The following LRRC7 variants were observed in gnomAD, a reference collection of about 807,000 sequenced individuals.
LRRC7 encodes leucine rich repeat containing 7.
Under a neutral mutation model 175.7 loss-of-function variants are expected in LRRC7, and 23 were observed. The observed-to-expected ratio is 0.13, with a 90% CI of 0.09 to 0.19. The LOEUF (loss-of-function observed/expected upper bound fraction) is 0.19, where lower values mean the gene tolerates loss of function less well. LRRC7 is among the 10% of genes least tolerant of loss of function. The probability of loss-of-function intolerance (pLI) is 1.00; values close to 1 mark genes in which losing one functional copy is unlikely to be tolerated. For synonymous variants in LRRC7, 685 were observed against 680.9 expected, an observed-to-expected ratio of 1.01 and a Z score of -0.09; for missense variants, 1,354 against 1,904.7, an observed-to-expected ratio of 0.71 and a Z score of 5.38.
At chr1:69,673,242 G>GTA (rs1297636066) in intron 1 of LRRC7, among the ~76,000 whole-genome samples, 1 of 152,052 alleles carries the variant, frequency 6.6e-6, no homozygotes, top group Non-Finnish European at 1.5e-5. Context: ...TCACTCCTTG[G>GTA]GTGATTTTGA....
rs1448261052 is a variant in LRRC7 at position 70,136,000 on chromosome 1, T to C, written c.*14113T>C. The stretch of plus-strand genomic sequence containing the variant: ...GCTAGCAAACAGTTCAGGCATTTCT[T>C]TGTGGCCATTTCCCAGAGAAATTCA... On this transcript the variant is annotated 3_prime_UTR_variant, in exon 27 of 27. Transcript: ENST00000651989. Among the ~76,000 whole-genome samples the C allele has an allele frequency of 6.6e-6, 1 of 152,154 alleles. No individual in the cohort carries two copies. The highest frequency in any genetic ancestry group is 2.4e-5 in the African/African-American group (1 of 41,442).
chr1:69,571,537 G>A (rs184003968), intron 1 of LRRC7, among the ~76,000 whole-genome samples: 36 of 152,118 alleles, frequency 2.4e-4, no homozygotes, highest in Admixed American at 2.2e-3. Flanking sequence ...TCATTCCAGT[G>A]GTACTTGTAG....
At chr1:70,081,453 T>G (rs1370209937) in intron 24 of LRRC7, among the ~76,000 whole-genome samples, 2 of 152,242 alleles carry the variant, frequency 1.3e-5, no homozygotes, top group Admixed American at 6.5e-5. Context: ...TTAATTTAAT[T>G]GATAATGTTG....
intron 7 of LRRC7, among the ~76,000 whole-genome samples, chr1:69,904,462 A>G (rs1646233341): frequency 6.6e-6 from 1 of 152,142 alleles, no homozygotes; most frequent in Admixed American, 6.6e-5. Flanking sequence ...TGATGAAAAA[A>G]CCATGCAAAT....
intron 2 of LRRC7, among the ~76,000 whole-genome samples, chr1:69,735,558 C>A (rs929971431): frequency 7.2e-5 from 11 of 152,070 alleles, no homozygotes; most frequent in African/African-American, 2.7e-4. Flanking sequence ...GGAGGTGATG[C>A]TAAACTCTTG....
intron 2 of LRRC7, among the ~76,000 whole-genome samples, chr1:69,736,424 T>A (rs1168007178): frequency 6.6e-6 from 1 of 152,136 alleles, no homozygotes; most frequent in East Asian, 1.9e-4. Flanking sequence ...TATTTAATAT[T>A]TTCTTCAGAC....
chr1:69,926,168 G>A (rs1647065976), intron 7 of LRRC7, among the ~76,000 whole-genome samples: 1 of 147,434 alleles, frequency 6.8e-6, no homozygotes, highest in Non-Finnish European at 1.5e-5. Context: ...CTGAGAGACA[G>A]TTTGTTATAA....
intron 8 of LRRC7, among the ~76,000 whole-genome samples, chr1:69,965,544 T>C (rs1034523394): frequency 6.6e-6 from 1 of 152,108 alleles, no homozygotes; most frequent in African/African-American, 2.4e-5. Flanking sequence ...TACTTATTTA[T>C]TCATTCAATA....
intron 25 of LRRC7, among the ~76,000 whole-genome samples, chr1:70,093,186 G>T (rs1664151827): frequency 1.3e-5 from 2 of 152,138 alleles, no homozygotes; most frequent in Non-Finnish European, 2.9e-5. Flanking sequence ...AAACATTGCT[G>T]TCAAATTGTC....
intron 2 of LRRC7, among the ~76,000 whole-genome samples, chr1:69,687,709 GT>G (rs1331333140): frequency 2.7e-5 from 4 of 147,294 alleles, no homozygotes; most frequent in Admixed American, 1.3e-4. Flanking sequence ...AAGGGTTTTG[GT>G]CCCTTTTTTT....
chr1:69,787,651 A>G (rs1674631248), intron 3 of LRRC7, among the ~76,000 whole-genome samples: 1 of 152,200 alleles, frequency 6.6e-6, no homozygotes, highest in Admixed American at 6.5e-5. Context: ...CCCTTTCTGC[A>G]CATAGCACGG....
chr1:69,798,030 T>C (rs1331245324), intron 4 of LRRC7, among the ~76,000 whole-genome samples: 1 of 152,142 alleles, frequency 6.6e-6, no homozygotes, highest in Non-Finnish European at 1.5e-5. Context: ...CAAGAGATTC[T>C]CCTGCCTCAG....
chr1:69,631,736 G>C (rs1652533755), intron 1 of LRRC7, among the ~76,000 whole-genome samples: 1 of 152,022 alleles, frequency 6.6e-6, no homozygotes, highest in South Asian at 2.1e-4. Flanking sequence ...AAGTGTTTAG[G>C]CTTCTTCTAC....
intron 1 of LRRC7, among the ~76,000 whole-genome samples, chr1:69,599,346 G>A (rs1646963852): frequency 6.6e-6 from 1 of 152,216 alleles, no homozygotes; most frequent in South Asian, 2.1e-4. Flanking sequence ...TAGTCTGTGA[G>A]CATATGTGCA....
chr1:70,086,899 T>G (rs1204626406), intron 24 of LRRC7, among the ~76,000 whole-genome samples: 2 of 152,178 alleles, frequency 1.3e-5, no homozygotes, highest in East Asian at 3.9e-4. Flanking sequence ...TATTCTGTCC[T>G]CTTACATTTT....
intron 4 of LRRC7, among the ~76,000 whole-genome samples, chr1:69,792,847 G>A (rs1675281276): frequency 6.6e-6 from 1 of 151,996 alleles, no homozygotes; most frequent in Non-Finnish European, 1.5e-5. Flanking sequence ...TTTCTCCTGA[G>A]TATTTATGGG....
In LRRC7 at chr1:70,038,580, C is replaced by A; in HGVS notation, c.2756C>A (p.Ser919Tyr). ...GAAAGGAAAGAACATATAAAGGAAT[C>A]TACTGAAATACCTAGTCCTTTTTCT... ...LPERKEHIKE[S>Y]TEIPSPFSPG... is the part of the protein sequence containing the mutation. The change falls in exon 21 of 27, where the codon TCT becomes TAT. Residue 919 changes from serine (S) to tyrosine (Y), a missense_variant. Physicochemically the swap from Ser to Tyr is moderately radical, Grantham distance 144. Coordinates refer to ENST00000651989, the MANE Select transcript of LRRC7 (RefSeq NM_001370785.2). 1 of 1,614,146 alleles carries A rather than the reference C, an allele frequency of 6.2e-7. No individual in the cohort carries two copies. The highest frequency in any genetic ancestry group is 8.5e-7 in the Non-Finnish European group (1 of 1,180,008).
rs1667032628 is a variant in LRRC7, at chr1:70,140,770, A to G, written c.*18883A>G. Among the ~76,000 whole-genome samples, 1 of 152,182 alleles carries G rather than the reference A, an allele frequency of 6.6e-6. No individual in the cohort carries two copies. The highest frequency in any genetic ancestry group is 1.5e-5 in the Non-Finnish European group (1 of 68,018). ...CTGCCCAGTATCTCTTTACTGATAC[A>G]AGTATTCAAAGGCCCTCCTATCCAA... On this transcript the variant is annotated 3_prime_UTR_variant, in exon 27 of 27. Coordinates refer to ENST00000651989, the MANE Select transcript of LRRC7 (RefSeq NM_001370785.2).
Position 70,122,930 on chromosome 1 carries a change from A to G in LRRC7, c.*1043A>G, listed in dbSNP as rs1009231333. 6.6e-6 allele frequency: 1 copy of G among 152,528 alleles called. No homozygotes were observed. Among genetic ancestry groups the G allele is most frequent in the African/African-American group, 2.4e-5 (1 of 41,440 alleles). 9.4% of individuals were successfully genotyped at this position (152,528 alleles called of 1,614,324 possible). A position where few individuals can be genotyped will look rare whatever the true frequency, so the allele number is the denominator to read the frequency against. ...AGAAAGTTATGGTAGGTGATTTTAA[A>G]TCCTTGGTATTTAAATATGAAACTT... On this transcript the variant is annotated 3_prime_UTR_variant, in exon 27 of 27. Transcript: ENST00000651989.
Sources: allele counts gnomAD v4.1 joint callset (sites outside exome capture counted in the v4.1 genomes callset), GRCh38; gene constraint gnomAD v4.1.1; transcripts MANE v1.5; gene names NCBI Gene and HGNC (gene_info 2026-07-23, HGNC 2026-07-21).